NSUN2: variants seen among roughly 807,000 people sequenced by gnomAD.
NSUN2 encodes the protein RNA cytosine C(5)-methyltransferase NSUN2.
In NSUN2, 63 loss-of-function variants were observed where a neutral mutation model predicts 92.7. That is an observed-to-expected ratio of 0.68 (90% CI 0.56 to 0.84). The LOEUF (loss-of-function observed/expected upper bound fraction) is 0.84, where lower values mean the gene tolerates loss of function less well. NSUN2 is among the 40% of genes least tolerant of loss of function. NSUN2 has a pLI of 0.00. For synonymous variants in NSUN2, 356 were observed against 348.3 expected (o/e 1.02, Z -0.25); for missense variants, 989 against 964.9 (o/e 1.02, Z -0.33).
Position 6,632,748 on chromosome 5 carries a change from T to A in NSUN2, c.105A>T (p.Glu35Asp), listed in dbSNP as rs1737983428. 2 of 1,613,710 alleles carry A rather than the reference T, an allele frequency of 1.2e-6. No individual in the cohort carries two copies. The highest frequency in any genetic ancestry group is 1.7e-6 in the Non-Finnish European group (2 of 1,179,770). The change falls in exon 2 of 19, where the codon GAA (glutamate) becomes GAT (aspartate). Residue 35 changes from glutamate (E) to aspartate (D), a missense_variant. By Grantham distance (45) the Glu-to-Asp change is conservative. This residue lies in a region of NSUN2 where 356 missense variants were observed against 338.6 expected (regional missense o/e 1.05). Transcript: ENST00000264670. Reference protein sequence around the residue: ...GGGKRGEAGWEGGYPEIVKEN... With the variant: ...GGGKRGEAGWDGGYPEIVKEN... The stretch of plus-strand genomic sequence containing the variant: ...CCTTGACGATCTCGGGGTAGCCTCC[T>A]TCCCAGCCCTGAGGAAGGAAAGAGA...
intron 3 of NSUN2, among the ~76,000 whole-genome samples, chr5:6,626,586 T>G (rs1178780800): frequency 6.6e-6 from 1 of 152,138 alleles, no homozygotes; most frequent in Non-Finnish European, 1.5e-5. Context: ...TGGCCTCGAG[T>G]GATCCGGCCG....
chr5:6,606,808 C>T lies in NSUN2; in HGVS notation c.1601+12G>A, dbSNP rs1236966836. On this transcript the variant is annotated intron_variant, in intron 14 of 18. Coordinates refer to ENST00000264670, the MANE Select transcript of NSUN2 (RefSeq NM_017755.6). ...TTCTTTAAATGAATAATTAAAAAGGCTGAATCCTTACTCAATAGGTGGAAA... is the reference window on the plus strand; with the variant it reads ...TTCTTTAAATGAATAATTAAAAAGGTTGAATCCTTACTCAATAGGTGGAAA... 2 of 1,443,082 alleles carry T rather than the reference C, an allele frequency of 1.4e-6. No individual in the cohort carries two copies. Among genetic ancestry groups the T allele is most frequent in the South Asian group, 1.2e-5 (1 of 85,592 alleles). The allele number at this position is 1,443,082 out of a possible 1,614,324, so 89.4% of individuals were successfully genotyped here.
At position 6,631,959 on chromosome 5, in the gene NSUN2, G is replaced by C; in HGVS notation, c.273C>G (p.Leu91=). 1 of 1,613,038 alleles carries C rather than the reference G, an allele frequency of 6.2e-7. No homozygotes were observed. Among genetic ancestry groups the C allele is most frequent in the Non-Finnish European group, 8.5e-7 (1 of 1,179,514 alleles). Residue 91 remains leucine, a synonymous_variant, in exon 3 of 19, where the codon CTC becomes CTG. Coordinates refer to ENST00000264670, the MANE Select transcript of NSUN2 (RefSeq NM_017755.6). ...TAAAATATTTGTTCTTTAAGCAATG[G>C]AGAATCTCTTTTGCGTGGCTATTGA... ...TGYKSHAKEI[L]HCLKNKYFKE... is the part of the protein sequence containing the mutation.
Position 6,616,071 on chromosome 5 carries a change from T to C in NSUN2, c.1021+656A>G, listed in dbSNP as rs543899254. Among the ~76,000 whole-genome samples the C allele has an allele frequency of 4.6e-5, 7 of 152,300 alleles. No homozygotes were observed. In the South Asian group the frequency reaches 1.5e-3, roughly 32 times the overall value. ...GAAATACAAAATGACGCAGCCACTG[T>C]GAAAAAAAGCATGGTGGGGTCCCCC... On this transcript the variant is annotated intron_variant, in intron 9 of 18. Coordinates refer to ENST00000264670, the MANE Select transcript of NSUN2 (RefSeq NM_017755.6).
chr5:6,607,295 C>T lies in NSUN2; in HGVS notation c.1413G>A (p.Leu471=). The change falls in exon 13 of 19, where the codon CTG becomes CTA. Residue 471 remains leucine (L), a synonymous_variant. Coordinates refer to ENST00000264670, the MANE Select transcript of NSUN2 (RefSeq NM_017755.6). ...CAGTTCCTGTGAATGACGGACTTTC[C>T]AGCTTAGAGGGATCTGTGGGTTTCC... ...TEGKPTDPSK[L]ESPSFTGTGD... The T allele has an allele frequency of 6.2e-7, 1 of 1,614,166 alleles. No homozygotes were observed. Among genetic ancestry groups the T allele is most frequent in the East Asian group, 2.2e-5 (1 of 44,886 alleles).
chr5:6,601,295 G>A (rs1171894485), intron 18 of NSUN2, among the ~76,000 whole-genome samples: 1 of 151,872 alleles, frequency 6.6e-6, no homozygotes, highest in Admixed American at 6.6e-5. Context: ...TGGGCCACAT[G>A]GGACTGTTAT....
intron 1 of NSUN2, 39 bp from the exon 2 acceptor site, chr5:6,632,795 AGCCGCCCCCTC>A: frequency 6.3e-7 from 1 of 1,599,718 alleles, no homozygotes; most frequent in East Asian, 2.3e-5. Flanking sequence ...AGGCCCAAGG[AGCCGCCCCCTC>A]GCCGCCGCCT....
At chr5:6,615,271 T>G (rs535733063) in intron 9 of NSUN2, among the ~76,000 whole-genome samples, 1 of 152,188 alleles carries the variant, frequency 6.6e-6, no homozygotes, top group Non-Finnish European at 1.5e-5. Flanking sequence ...CTCAGGGATC[T>G]GAAAGCAGAC....
At chr5:6,604,336 G>A (rs1373825085) in intron 16 of NSUN2, 60 bp from the exon 17 acceptor site, 4 of 1,445,544 alleles carry the variant, frequency 2.8e-6, no homozygotes, top group South Asian at 2.5e-5. Flanking sequence ...AACGACAACA[G>A]CCTGCTCTCA....
In NSUN2 at chr5:6,605,319, G is replaced by C; in HGVS notation, c.1691C>G (p.Ser564Cys). 1.2e-6 allele frequency: 2 copies of C among 1,614,202 alleles called. No homozygotes were observed. The highest frequency in any genetic ancestry group is 2.7e-5 in the African/African-American group (2 of 75,046). ...EGKKRQLYMV[S>C]KELRNVLLNN... ...CAGCAGCACATTCCGCAACTCCTTA[G>C]AAACCATGTAGAGCTGCCTTTTCTT... Residue 564 changes from serine to cysteine, a missense_variant, in exon 15 of 19, where the codon TCT becomes TGT. This residue lies in a region of NSUN2 where 626 missense variants were observed against 602.3 expected (regional missense o/e 1.04). Coordinates refer to ENST00000264670, the MANE Select transcript of NSUN2 (RefSeq NM_017755.6).
At position 6,611,749 on chromosome 5, in the gene NSUN2, C is replaced by CCA. The variant is rs1560976180; in HGVS notation, c.1069_1070dup (p.Trp357CysfsTer11). 1 of 1,614,156 alleles carries CCA rather than the reference C, an allele frequency of 6.2e-7. No homozygotes were observed. Among genetic ancestry groups the CCA allele is most frequent in the South Asian group, 1.1e-5 (1 of 91,082 alleles). ...CCTTCCACTGTGTGATTCCAGGCAT[C>CCA]CACTTCAGCCCTGGCAGTTCATTAG... On this transcript the variant is annotated frameshift_variant, in exon 10 of 19. Transcript: ENST00000264670. LOFTEE classifies it high-confidence loss of function.
chr5:6,604,309 C>G (rs1029406934), intron 16 of NSUN2, 33 bp from the exon 17 acceptor site: 2 of 1,566,162 alleles, frequency 1.3e-6, no homozygotes, highest in Middle Eastern at 1.8e-4. Flanking sequence ...AGAACAGATA[C>G]CATGATGTCA....
chr5:6,606,314 C>A (rs917548883), intron 14 of NSUN2, among the ~76,000 whole-genome samples: 1 of 152,208 alleles, frequency 6.6e-6, no homozygotes, highest in Middle Eastern at 3.4e-3. Flanking sequence ...GACGGAGTCT[C>A]GCTCTGTCGC....
intron 9 of NSUN2, among the ~76,000 whole-genome samples, chr5:6,614,329 A>G (rs955933695): frequency 6.6e-6 from 1 of 152,186 alleles, no homozygotes; most frequent in African/African-American, 2.4e-5. Context: ...AGACGAACCC[A>G]TCAGTACCCC....
intron 16 of NSUN2, 106 bp downstream of exon 16, chr5:6,604,499 C>G (rs1348104892): frequency 1.9e-5 from 21 of 1,109,988 alleles, no homozygotes; most frequent in Admixed American, 3.5e-5. Flanking sequence ...AGGTGCCAGC[C>G]AAGCCCTGAG....
At chr5:6,614,504 T>A (rs1394856976) in intron 9 of NSUN2, among the ~76,000 whole-genome samples, 1 of 152,094 alleles carries the variant, frequency 6.6e-6, no homozygotes, top group African/African-American at 2.4e-5. Flanking sequence ...TGTCCACTCT[T>A]CCCTTAGAGA....
chr5:6,628,468 T>C (rs988125364), intron 3 of NSUN2, among the ~76,000 whole-genome samples: 1 of 152,256 alleles, frequency 6.6e-6, no homozygotes, highest in African/African-American at 2.4e-5. Flanking sequence ...TCTGAGTCTA[T>C]GGAAAGTAAG....
intron 8 of NSUN2, 59 bp from the exon 9 acceptor site, chr5:6,616,916 G>A: frequency 6.8e-7 from 1 of 1,466,632 alleles, no homozygotes; most frequent in Non-Finnish European, 9.3e-7. Flanking sequence ...GCACATATTA[G>A]AAGCACCTCC....
chr5:6,604,104 C>T (rs745859079), intron 17 of NSUN2, 34 bp downstream of exon 17: 58 of 1,595,520 alleles, frequency 3.6e-5, no homozygotes, highest in African/African-American at 1.6e-4. Flanking sequence ...AAAGGGAATA[C>T]AAGTTATGTC....
Sources: gnomAD v4.1 joint callset for allele counts (sites outside exome capture counted in the v4.1 genomes callset) on GRCh38, gnomAD v4.1.1 for gene constraint, gnomAD v4.1.1 regional missense constraint, MANE v1.5 for transcripts, NCBI Gene and HGNC (gene_info 2026-07-23, HGNC 2026-07-21) for gene names.